Variants in CTNND2 observed in about 807,000 individuals in gnomAD.
CTNND2 encodes catenin delta 2, also known as catenin delta-2.
CTNND2 carries 22 observed loss-of-function variants against 144.4 expected under a neutral mutation model. That is an observed-to-expected ratio of 0.15 (90% CI 0.11 to 0.22). The LOEUF is 0.22. CTNND2 is among the 10% of genes least tolerant of loss of function. The pLI is 1.00. For missense variants in CTNND2, 1,353 were observed against 1,618.8 expected (o/e 0.84, Z 2.82); for synonymous variants, 751 against 695.6 (o/e 1.08, Z -1.25).
At chr5:11,257,948 C>T (rs1017987730) in intron 9 of CTNND2, among the ~76,000 whole-genome samples, 2 of 152,200 alleles carry the variant, frequency 1.3e-5, no homozygotes, top group Non-Finnish European at 2.9e-5. Context: ...CCTATTACTC[C>T]TCCAAGCCCT....
intron 7 of CTNND2, among the ~76,000 whole-genome samples, chr5:11,378,551 C>T (rs561137651): frequency 2.0e-5 from 3 of 152,308 alleles, no homozygotes; most frequent in Non-Finnish European, 4.4e-5. Context: ...AAATATCTAG[C>T]ACTAGAGTGA....
At chr5:11,563,935 G>A (rs1305690904) in intron 3 of CTNND2, among the ~76,000 whole-genome samples, 2 of 152,190 alleles carry the variant, frequency 1.3e-5, no homozygotes, top group Non-Finnish European at 2.9e-5. Context: ...TCTGCAGAGT[G>A]GCTGCTGACC....
chr5:10,990,343 T>C (rs1048645412), intron 19 of CTNND2, among the ~76,000 whole-genome samples: 1 of 152,222 alleles, frequency 6.6e-6, no homozygotes, highest in African/African-American at 2.4e-5. Flanking sequence ...AGGGAACCTC[T>C]GCAAGAACAA....
chr5:11,787,414 CCA>C (rs1561796173), intron 1 of CTNND2, among the ~76,000 whole-genome samples: 1 of 152,160 alleles, frequency 6.6e-6, no homozygotes, highest in Non-Finnish European at 1.5e-5. Context: ...TATATTTCAG[CCA>C]CTTTTCTAGA....
chr5:11,078,207 T>C (rs1749151687), intron 16 of CTNND2, among the ~76,000 whole-genome samples: 1 of 152,212 alleles, frequency 6.6e-6, no homozygotes, highest in African/African-American at 2.4e-5. Flanking sequence ...TGTTCTTCAC[T>C]CAAAGTCACT....
chr5:11,081,431 T>G lies in CTNND2; in HGVS notation c.2788+1265A>C, dbSNP rs2973518. Reference sequence around the variant, plus strand: ...TTGAGAACCCCTTATCCAAAAATGCTTAGGACCAGAAGTGTTTTCGGATTT... The same window carrying G: ...TTGAGAACCCCTTATCCAAAAATGCGTAGGACCAGAAGTGTTTTCGGATTT... On this transcript the variant is annotated intron_variant, in intron 16 of 21. Transcript: ENST00000304623. 4.8e-3 allele frequency among the ~76,000 whole-genome samples: 737 copies of G among 152,218 alleles called. 8 individuals carry two copies. The highest frequency in any genetic ancestry group is 0.017 in the African/African-American group (695 of 41,536).
chr5:11,478,824 A>C (rs1379913651), intron 3 of CTNND2, among the ~76,000 whole-genome samples: 5 of 152,200 alleles, frequency 3.3e-5, no homozygotes, highest in Non-Finnish European at 7.4e-5. Context: ...CTGAATATAA[A>C]GAAATTCATC....
intron 16 of CTNND2, among the ~76,000 whole-genome samples, chr5:11,036,484 G>A (rs1305651677): frequency 1.3e-5 from 2 of 151,872 alleles, no homozygotes; most frequent in South Asian, 2.1e-4. Flanking sequence ...GCAATGGCAC[G>A]ATCTTGGCTC....
rs368240030 is a variant in CTNND2, at chr5:11,675,494, G to A, written c.174+56642C>T. On this transcript the variant is annotated intron_variant, in intron 2 of 21. Coordinates refer to ENST00000304623, the MANE Select transcript of CTNND2 (RefSeq NM_001332.4). ...AGTGGGGCAGTTCTTGTTCCTCACA[G>A]AACCCCATCTTCTCTCACCACCTCT... Among the ~76,000 whole-genome samples the A allele has an allele frequency of 3.2e-4, 48 of 152,144 alleles. No individual in the cohort carries two copies. The East Asian group carries it at 9.1e-3, about 29-fold the overall frequency.
chr5:11,839,043 A>G lies in CTNND2; in HGVS notation c.37+64774T>C, dbSNP rs116805837. Among the ~76,000 whole-genome samples, 412 of 152,252 alleles carry G rather than the reference A, an allele frequency of 2.7e-3. 1 individual carries two copies. Among genetic ancestry groups the G allele is most frequent in the Non-Finnish European group, 3.9e-3 (267 of 68,012 alleles). On this transcript the variant is annotated intron_variant, in intron 1 of 21. Transcript: ENST00000304623. ...TCAGGCTAGCATGCTTAAATATGAA[A>G]ATTTTGAGGAGGAATTTGTCATCTG...
intron 10 of CTNND2, among the ~76,000 whole-genome samples, chr5:11,231,494 C>A (rs1173056638): frequency 3.9e-5 from 6 of 152,182 alleles, no homozygotes; most frequent in South Asian, 2.1e-4. Context: ...TTCTTGGGAA[C>A]TGGAGCAAAG....
chr5:11,843,210 C>G, intron 1 of CTNND2, among the ~76,000 whole-genome samples: 1 of 152,302 alleles, frequency 6.6e-6, no homozygotes, highest in Non-Finnish European at 1.5e-5. Context: ...GAAAACCAAA[C>G]TACCTATCAA....
chr5:11,510,189 G>A (rs1472281544), intron 3 of CTNND2, among the ~76,000 whole-genome samples: 1 of 152,040 alleles, frequency 6.6e-6, no homozygotes, highest in African/African-American at 2.4e-5. Flanking sequence ...AAATCCTCCT[G>A]CTTTGGCCTC....
intron 3 of CTNND2, among the ~76,000 whole-genome samples, chr5:11,461,677 T>C (rs1766238759): frequency 6.6e-6 from 1 of 152,192 alleles, no homozygotes; most frequent in South Asian, 2.1e-4. Flanking sequence ...CAAGCTGGAA[T>C]GGATTTTAGG....
chr5:11,706,882 G>A (rs763140322), intron 2 of CTNND2, among the ~76,000 whole-genome samples: 2 of 151,888 alleles, frequency 1.3e-5, no homozygotes, highest in African/African-American at 2.4e-5. Context: ...TCAGGAGATC[G>A]AGACCATCCT....
rs552456586 is a variant in CTNND2, at chr5:11,429,867, T to C, written c.288-17798A>G. On this transcript the variant is annotated intron_variant, in intron 3 of 21. Transcript: ENST00000304623. ...AACTGAGTTTTCCTTCATTTTCTTTTCCTATTCAGGAAGAAGCAACTAGAA... is the reference window on the plus strand; with the variant it reads ...AACTGAGTTTTCCTTCATTTTCTTTCCCTATTCAGGAAGAAGCAACTAGAA... Among the ~76,000 whole-genome samples, 80 of 152,300 alleles carry C rather than the reference T, an allele frequency of 5.3e-4. 2 individuals carry two copies. The highest frequency in any genetic ancestry group is 1.5e-3 in the African/African-American group (62 of 41,568).
chr5:11,894,667 T>C (rs1737256395), intron 1 of CTNND2, among the ~76,000 whole-genome samples: 1 of 152,200 alleles, frequency 6.6e-6, no homozygotes, highest in South Asian at 2.1e-4. Context: ...ACCTAAATTA[T>C]CACAGCACAT....
At chr5:11,383,980 C>T (rs1039446466) in intron 7 of CTNND2, among the ~76,000 whole-genome samples, 6 of 152,142 alleles carry the variant, frequency 3.9e-5, no homozygotes, top group African/African-American at 1.2e-4. Context: ...CTCCCCAAGC[C>T]CAGCCCCTCC....
chr5:11,330,211 C>A (rs1406529158), intron 9 of CTNND2, among the ~76,000 whole-genome samples: 4 of 151,508 alleles, frequency 2.6e-5, no homozygotes, highest in Middle Eastern at 6.8e-3. Context: ...GTGGCTCACA[C>A]CTGTAATCCC....
Sources: gnomAD v4.1 joint callset for allele counts (sites outside exome capture counted in the v4.1 genomes callset) on GRCh38, gnomAD v4.1.1 for gene constraint, MANE v1.5 for transcripts, NCBI Gene and HGNC (gene_info 2026-07-23, HGNC 2026-07-21) for gene names.